The following GNG12 variants were observed in gnomAD, a reference collection of about 807,000 sequenced individuals.
The protein encoded by GNG12 is guanine nucleotide-binding protein G(I)/G(S)/G(O) subunit gamma-12.
For missense variants in GNG12, 69 were observed against 83.8 expected (o/e 0.82, Z 0.69); for synonymous variants, 28 against 29.7 (o/e 0.94, Z 0.19).
At chr1:67,745,867 C>G (rs989878181) in intron 2 of GNG12, among the ~76,000 whole-genome samples, 2 of 152,190 alleles carry the variant, frequency 1.3e-5, no homozygotes, top group Non-Finnish European at 2.9e-5. Context: ...GCTAAGGTTT[C>G]TGAAAGCAAG....
At chr1:67,746,012 C>G (rs762427905) in intron 2 of GNG12, among the ~76,000 whole-genome samples, 14 of 152,184 alleles carry the variant, frequency 9.2e-5, no homozygotes, top group Non-Finnish European at 1.8e-4. Flanking sequence ...AGCAAACAAA[C>G]TTACCTAAAG....
chr1:67,789,720 G>A (rs1646790211), intron 1 of GNG12, among the ~76,000 whole-genome samples: 1 of 152,210 alleles, frequency 6.6e-6, no homozygotes, highest in Admixed American at 6.5e-5. Flanking sequence ...CCCTGAGCCT[G>A]GATCAGAAAA....
intron 2 of GNG12, among the ~76,000 whole-genome samples, chr1:67,746,815 A>G (rs655040): frequency 0.71 from 108,418 of 152,090 alleles, 38,754 homozygotes; most frequent in African/African-American, 0.76. Flanking sequence ...CTCAGAGTCT[A>G]AGGAAAGGTG....
chr1:67,785,432 T>G (rs1026970489), intron 1 of GNG12, among the ~76,000 whole-genome samples: 7 of 152,180 alleles, frequency 4.6e-5, no homozygotes, highest in Non-Finnish European at 2.9e-5. Flanking sequence ...ACTCTTCTCT[T>G]AGAATTTCTA....
At chr1:67,816,741 A>G (rs11209161) in intron 1 of GNG12, among the ~76,000 whole-genome samples, 32,802 of 152,166 alleles carry the variant, frequency 0.22, 4,186 homozygotes, top group East Asian at 0.4. Context: ...GGGCCCGGTG[A>G]CAAGACGTCC....
intron 2 of GNG12, among the ~76,000 whole-genome samples, chr1:67,723,582 T>C (rs1333396436): frequency 6.6e-6 from 1 of 152,224 alleles, no homozygotes; most frequent in Non-Finnish European, 1.5e-5. Context: ...ATATACCACT[T>C]ACACTTGCCA....
intron 1 of GNG12, among the ~76,000 whole-genome samples, chr1:67,808,748 TA>T (rs1243371506): frequency 1.3e-5 from 2 of 152,134 alleles, no homozygotes; most frequent in Non-Finnish European, 2.9e-5. Flanking sequence ...ACAACATGTA[TA>T]AGATCTGTAT....
chr1:67,738,266 ATTT>A (rs950426603), intron 2 of GNG12, among the ~76,000 whole-genome samples: 1 of 152,002 alleles, frequency 6.6e-6, no homozygotes, highest in South Asian at 2.1e-4. Flanking sequence ...CCAGATTTCA[ATTT>A]TTTTTGTTTT....
chr1:67,802,431 A>T (rs1646871959), intron 1 of GNG12, among the ~76,000 whole-genome samples: 1 of 152,176 alleles, frequency 6.6e-6, no homozygotes, highest in South Asian at 2.1e-4. Flanking sequence ...CCCCATCTCC[A>T]GCCAGCCACT....
At chr1:67,758,850 G>A (rs114110262) in intron 2 of GNG12, among the ~76,000 whole-genome samples, 1,847 of 152,262 alleles carry the variant, frequency 0.012, 29 homozygotes, top group African/African-American at 0.043. Context: ...AGACCTCATG[G>A]AGGTAGAGAC....
rs1646222481 is a variant in GNG12 at position 67,702,636 on chromosome 1, C to T, written c.*2815G>A. On this transcript the variant is annotated 3_prime_UTR_variant, in exon 4 of 4. Transcript: ENST00000370982. ...AAAAAAAAAACTAGCTATGAGCCATCACTTGTGAACCATCTGGTATATAAA... is the reference window on the plus strand; with the variant it reads ...AAAAAAAAAACTAGCTATGAGCCATTACTTGTGAACCATCTGGTATATAAA... 6.6e-6 allele frequency: 1 copy of T among 151,702 alleles called. No homozygotes were observed. Among genetic ancestry groups the T allele is most frequent in the Non-Finnish European group, 1.5e-5 (1 of 67,976 alleles). The allele number at this position is 151,702 out of a possible 1,614,324, so 9.4% of individuals were successfully genotyped here.
intron 2 of GNG12, among the ~76,000 whole-genome samples, chr1:67,714,102 TTG>T (rs754409785): frequency 6.6e-6 from 1 of 152,152 alleles, no homozygotes; most frequent in Non-Finnish European, 1.5e-5. Context: ...GTTAACTCCA[TTG>T]TGTGTGTGTG....
intron 2 of GNG12, among the ~76,000 whole-genome samples, chr1:67,774,583 A>T (rs1285353262): frequency 6.6e-6 from 1 of 152,138 alleles, no homozygotes; most frequent in Non-Finnish European, 1.5e-5. Context: ...CCCACCCTGG[A>T]TCCTGTGTTC....
intron 1 of GNG12, among the ~76,000 whole-genome samples, chr1:67,806,718 C>T (rs1008390786): frequency 5.3e-5 from 8 of 152,116 alleles, no homozygotes; most frequent in Non-Finnish European, 1.0e-4. Context: ...GGGGTCAATT[C>T]TCCAATACAA....
intron 2 of GNG12, among the ~76,000 whole-genome samples, chr1:67,761,185 T>C (rs1326564850): frequency 6.6e-6 from 1 of 152,224 alleles, no homozygotes; most frequent in Non-Finnish European, 1.5e-5. Context: ...TCCCTCTCTA[T>C]ACACTGTGCT....
At chr1:67,763,090 G>GAGAGAGAGAGA (rs145792350) in intron 2 of GNG12, among the ~76,000 whole-genome samples, 1 of 116,724 alleles carries the variant, frequency 8.6e-6, no homozygotes, top group Non-Finnish European at 1.8e-5. Context: ...TACCCTCCCA[G>GAGAGAGAGAGA]GAGAGAGAGA....
chr1:67,762,609 T>C (rs959537200), intron 2 of GNG12, among the ~76,000 whole-genome samples: 1 of 152,198 alleles, frequency 6.6e-6, no homozygotes, highest in African/African-American at 2.4e-5. Flanking sequence ...TCTACTGGAA[T>C]GGGGTATGTG....
chr1:67,792,926 C>T (rs1646809800), intron 1 of GNG12, among the ~76,000 whole-genome samples: 1 of 152,000 alleles, frequency 6.6e-6, no homozygotes, highest in Non-Finnish European at 1.5e-5. Flanking sequence ...TGAATGAAAC[C>T]CATTTATCAT....
At position 67,766,106 on chromosome 1, in the gene GNG12, GCACACACACACACACA is replaced by G. The variant is rs59348663; in HGVS notation, c.-27+11336_-27+11351del. Among the ~76,000 whole-genome samples the G allele has an allele frequency of 2.3e-3, 326 of 139,916 alleles. 1 individual carries two copies. Among genetic ancestry groups the G allele is most frequent in the African/African-American group, 6.2e-3 (230 of 36,852 alleles). 91.8% of individuals were successfully genotyped at this position (139,916 alleles called of 152,430 possible). A position where few individuals can be genotyped will look rare whatever the true frequency, so the allele number is the denominator to read the frequency against. On this transcript the variant is annotated intron_variant, in intron 2 of 3. Transcript: ENST00000370982. ...AACTCAAACAAAACAAGGCACACAC[GCACACACACACACACA>G]CACACACACACACACACACACACAC... is the stretch of plus-strand genomic sequence containing the variant.
Sources: gnomAD v4.1 joint callset for allele counts (sites outside exome capture counted in the v4.1 genomes callset) on GRCh38, gnomAD v4.1.1 for gene constraint, MANE v1.5 for transcripts, NCBI Gene and HGNC (gene_info 2026-07-23, HGNC 2026-07-21) for gene names.